Variants in NRXN1 observed in about 807,000 individuals in gnomAD.
NRXN1 encodes the protein neurexin 1.
NRXN1 carries 39 observed loss-of-function variants against 150.9 expected under a neutral mutation model. The observed-to-expected ratio is 0.26, with a 90% CI of 0.20 to 0.34. The LOEUF (loss-of-function observed/expected upper bound fraction) is 0.34, where lower values mean the gene tolerates loss of function less well. NRXN1 is among the 10% of genes least tolerant of loss of function. NRXN1 has a pLI of 1.00. For missense variants in NRXN1, 1,815 were observed against 1,949.9 expected (o/e 0.93, Z 1.30); for synonymous variants, 924 against 757.0 (o/e 1.22, Z -3.62).
At chr2:50,051,883 T>G (rs528216418) in intron 21 of NRXN1, among the ~76,000 whole-genome samples, 1 of 152,206 alleles carries the variant, frequency 6.6e-6, no homozygotes, top group African/African-American at 2.4e-5. Context: ...TCCCATTTTA[T>G]TTTGTAGCCA....
intron 5 of NRXN1, among the ~76,000 whole-genome samples, chr2:50,825,433 G>A (rs1670314375): frequency 6.6e-6 from 1 of 152,106 alleles, no homozygotes; most frequent in South Asian, 2.1e-4. Flanking sequence ...AGGTGAGAAA[G>A]GCTGAAAGCT....
At chr2:50,392,432 C>T (rs2103827297) in intron 17 of NRXN1, among the ~76,000 whole-genome samples, 1 of 152,210 alleles carries the variant, frequency 6.6e-6, no homozygotes, top group African/African-American at 2.4e-5. Context: ...ATGATAGGAT[C>T]ATAGAAGAGG....
intron 21 of NRXN1, among the ~76,000 whole-genome samples, chr2:50,019,881 G>C (rs904533515): frequency 1.4e-5 from 2 of 144,898 alleles, no homozygotes; most frequent in African/African-American, 2.5e-5. Context: ...CCGGGAGGCG[G>C]AGCTTGCAGT....
At chr2:50,303,900 G>A (rs2074382391) in intron 17 of NRXN1, among the ~76,000 whole-genome samples, 1 of 148,120 alleles carries the variant, frequency 6.8e-6, no homozygotes, top group Non-Finnish European at 1.5e-5. Context: ...ATATTCCCAA[G>A]TATACCTTAG....
intron 18 of NRXN1, among the ~76,000 whole-genome samples, chr2:50,198,228 G>C (rs192604937): frequency 6.6e-6 from 1 of 152,036 alleles, no homozygotes; most frequent in African/African-American, 2.4e-5. Flanking sequence ...ACACTCACTT[G>C]CATGCAAACT....
chr2:50,476,443 A>G (rs1183434914), intron 15 of NRXN1, among the ~76,000 whole-genome samples: 2 of 151,930 alleles, frequency 1.3e-5, no homozygotes, highest in Non-Finnish European at 2.9e-5. Context: ...CAGATTCTTC[A>G]TCTATGAAAT....
At chr2:50,230,236 A>G (rs1337830067) in intron 18 of NRXN1, among the ~76,000 whole-genome samples, 1 of 152,070 alleles carries the variant, frequency 6.6e-6, no homozygotes, top group Non-Finnish European at 1.5e-5. Flanking sequence ...AGTGAGAGAG[A>G]ATGGGAAGAA....
intron 5 of NRXN1, among the ~76,000 whole-genome samples, chr2:50,852,848 G>A (rs540181481): frequency 2.4e-4 from 36 of 152,026 alleles, no homozygotes; most frequent in Non-Finnish European, 3.8e-4. Context: ...AAATCAACTG[G>A]CATACACATA....
chr2:50,580,879 G>A (rs1672161471), intron 8 of NRXN1, among the ~76,000 whole-genome samples: 1 of 152,060 alleles, frequency 6.6e-6, no homozygotes, highest in Admixed American at 6.6e-5. Flanking sequence ...AAATAATGGA[G>A]AGAAATTAAA....
intron 17 of NRXN1, among the ~76,000 whole-genome samples, chr2:50,374,294 A>AAAAT (rs71404951): frequency 0.37 from 50,694 of 136,336 alleles, 10,044 homozygotes; most frequent in East Asian, 0.54. Flanking sequence ...CTGTCTCAAG[A>AAAAT]AAATAAATAA....
chr2:50,107,788 T>C (rs1384476228), intron 18 of NRXN1, among the ~76,000 whole-genome samples: 1 of 151,884 alleles, frequency 6.6e-6, no homozygotes, highest in Non-Finnish European at 1.5e-5. Flanking sequence ...AAGTTCTAAT[T>C]ATCAATGACC....
chr2:50,071,406 G>C (rs1413041910), intron 19 of NRXN1, among the ~76,000 whole-genome samples: 4 of 152,160 alleles, frequency 2.6e-5, no homozygotes, highest in Non-Finnish European at 5.9e-5. Context: ...ACTTTAAGGA[G>C]GTGATTAAGT....
rs749539616 is a variant in NRXN1, at chr2:50,461,213, A to T, written c.3364+4229T>A. Among the ~76,000 whole-genome samples, 10 of 151,992 alleles carry T rather than the reference A, an allele frequency of 6.6e-5. 1 individual carries two copies. Among genetic ancestry groups the T allele is most frequent in the Non-Finnish European group, 1.0e-4 (7 of 67,948 alleles). Reference sequence around the variant, plus strand: ...AATGTTTCTAACTCTCATATGAAAGATACAATAAATTCCTATCAGAAAGAT... The same window carrying T: ...AATGTTTCTAACTCTCATATGAAAGTTACAATAAATTCCTATCAGAAAGAT... On this transcript the variant is annotated intron_variant, in intron 17 of 22. Transcript: ENST00000401669.
chr2:50,328,579 CA>C (rs1194231730), intron 17 of NRXN1, among the ~76,000 whole-genome samples: 1 of 149,718 alleles, frequency 6.7e-6, no homozygotes, highest in East Asian at 2.0e-4. Context: ...ACGAAAAATA[CA>C]AAAAAAAATA....
chr2:50,569,716 T>C (rs550185367), intron 8 of NRXN1, among the ~76,000 whole-genome samples: 139 of 152,288 alleles, frequency 9.1e-4, no homozygotes, highest in African/African-American at 3.0e-3. Context: ...TGATGGATAC[T>C]AATTCTGCAG....
chr2:50,014,487 C>G (rs1285896021), intron 21 of NRXN1, among the ~76,000 whole-genome samples: 1 of 152,068 alleles, frequency 6.6e-6, no homozygotes, highest in Non-Finnish European at 1.5e-5. Context: ...CTTCTATTCA[C>G]CAGATGCCAG....
chr2:49,983,080 C>A (rs1385421842), intron 21 of NRXN1, among the ~76,000 whole-genome samples: 1 of 152,170 alleles, frequency 6.6e-6, no homozygotes, highest in Non-Finnish European at 1.5e-5. Context: ...TTCTTTCTTG[C>A]AGCCTTTCCA....
At chr2:50,260,570 C>T (rs2068151665) in intron 17 of NRXN1, among the ~76,000 whole-genome samples, 1 of 146,444 alleles carries the variant, frequency 6.8e-6, no homozygotes, top group South Asian at 2.2e-4. Context: ...TATTCAATCA[C>T]TTTTTTTAAT....
intron 17 of NRXN1, among the ~76,000 whole-genome samples, chr2:50,441,138 C>T (rs2085913788): frequency 6.6e-6 from 1 of 152,068 alleles, no homozygotes; most frequent in South Asian, 2.1e-4. Context: ...ATCAGAACAC[C>T]ATTGAAGATA....
Sources: gnomAD v4.1 joint callset for allele counts (sites outside exome capture counted in the v4.1 genomes callset) on GRCh38, gnomAD v4.1.1 for gene constraint, MANE v1.5 for transcripts, NCBI Gene and HGNC (gene_info 2026-07-23, HGNC 2026-07-21) for gene names.